TBX18: variants seen among roughly 807,000 people sequenced by gnomAD.
The protein encoded by TBX18 is T-box transcription factor 18.
TBX18 carries 21 observed loss-of-function variants against 55.0 expected under a neutral mutation model. The ratio of observed to expected loss-of-function variants is 0.38; its 90% CI spans 0.27 to 0.55. TBX18 has a LOEUF of 0.55. TBX18 is among the 20% of genes least tolerant of loss of function. TBX18 has a pLI of 0.73. For missense variants in TBX18, 840 were observed against 799.6 expected (o/e 1.05, Z -0.61); for synonymous variants, 342 against 326.1 (o/e 1.05, Z -0.53).
chr6:84,759,625 AAT>A (rs1218866802), intron 3 of TBX18, among the ~76,000 whole-genome samples: 1 of 152,096 alleles, frequency 6.6e-6, no homozygotes, highest in African/African-American at 2.4e-5. Context: ...TCTTTACATA[AAT>A]ATGTCCTCTT....
intron 2 of TBX18, among the ~76,000 whole-genome samples, chr6:84,762,264 C>T (rs569978358): frequency 2.6e-5 from 4 of 152,234 alleles, no homozygotes; most frequent in Non-Finnish European, 4.4e-5. Flanking sequence ...CCGCCCTGAA[C>T]GCAGAACATC....
chr6:84,755,711 C>T (rs1300556880), intron 4 of TBX18, among the ~76,000 whole-genome samples: 1 of 152,182 alleles, frequency 6.6e-6, no homozygotes, highest in African/African-American at 2.4e-5. Context: ...TTACTAGTTG[C>T]ATCTTAAAAA....
At chr6:84,757,017 T>G in intron 3 of TBX18, 148 bp from the exon 4 acceptor site, 6 of 784,612 alleles carry the variant, frequency 7.6e-6, no homozygotes, top group African/African-American at 1.7e-5. Context: ...TTCAAGCGCT[T>G]TTCCAAACCA....
At chr6:84,760,514 A>G (rs555289344) in intron 2 of TBX18, among the ~76,000 whole-genome samples, 158 bp from the exon 3 acceptor site, 2 of 152,320 alleles carry the variant, frequency 1.3e-5, no homozygotes, top group East Asian at 3.9e-4. Context: ...CAGGACATAG[A>G]ACATATCAGA....
chr6:84,747,085 C>T (rs909460188), intron 5 of TBX18, among the ~76,000 whole-genome samples: 3 of 151,518 alleles, frequency 2.0e-5, no homozygotes, highest in Admixed American at 6.6e-5. Flanking sequence ...ACAACAGAAA[C>T]CACAACAGAG....
Position 84,735,758 on chromosome 6 carries a change from ATAG to A in TBX18, c.*924_*926del, listed in dbSNP as rs1432673665. On this transcript the variant is annotated 3_prime_UTR_variant, in exon 8 of 8. Coordinates refer to ENST00000369663, the MANE Select transcript of TBX18 (RefSeq NM_001080508.3). ...AACAAACTATACAAAAACATAAGGT[ATAG>A]TTAACAATAGTATTACTCTTGATTT... 1 of 152,226 alleles carries A rather than the reference ATAG, an allele frequency of 6.6e-6. No homozygotes were observed. Among genetic ancestry groups the A allele is most frequent in the African/African-American group, 2.4e-5 (1 of 41,470 alleles). 9.4% of individuals were successfully genotyped at this position (152,226 alleles called of 1,614,324 possible).
intron 2 of TBX18, 128 bp from the exon 3 acceptor site, chr6:84,760,484 G>A: frequency 3.5e-6 from 2 of 569,216 alleles, no homozygotes; most frequent in South Asian, 5.7e-5. Flanking sequence ...TATTCACTTT[G>A]CCAATGTAAT....
In TBX18 at chr6:84,762,539, A is replaced by G; in HGVS notation, c.497+5T>C. 6.2e-7 allele frequency: 1 copy of G among 1,613,986 alleles called. No homozygotes were observed. Among genetic ancestry groups the G allele is most frequent in the South Asian group, 1.1e-5 (1 of 91,084 alleles). On this transcript the variant is annotated splice_donor_5th_base_variant and intron_variant, in intron 2 of 7. Transcript: ENST00000369663. ...GAGGGGCGTCCACGCCAGCTTGCCC[A>G]TTACCTGCCGGCCTTGGTGATGATC...
chr6:84,764,255 C>T lies in TBX18; in HGVS notation c.-74G>A, dbSNP rs1767756413. The stretch of plus-strand genomic sequence containing the variant: ...GGCACACGCGCGCTCTCGCTCTTCC[C>T]CCACCAAAAACTAAAAGGCTCTCGG... On this transcript the variant is annotated 5_prime_UTR_variant, in exon 1 of 8. Coordinates refer to ENST00000369663, the MANE Select transcript of TBX18 (RefSeq NM_001080508.3). 2 of 1,374,320 alleles carry T rather than the reference C, an allele frequency of 1.5e-6. No homozygotes were observed. Among genetic ancestry groups the T allele is most frequent in the Non-Finnish European group, 1.9e-6 (2 of 1,071,076 alleles). The allele number at this position is 1,374,320 out of a possible 1,614,324, so 85.1% of individuals were successfully genotyped here. A position where few individuals can be genotyped will look rare whatever the true frequency, so the allele number is the denominator to read the frequency against.
intron 4 of TBX18, among the ~76,000 whole-genome samples, chr6:84,752,150 C>T (rs1767366011): frequency 6.6e-6 from 1 of 151,682 alleles, no homozygotes; most frequent in Non-Finnish European, 1.5e-5. Context: ...CAGGCTAATA[C>T]ACATTTTTCT....
chr6:84,738,506 G>C lies in TBX18; in HGVS notation c.1090C>G (p.Pro364Ala). 1 of 1,613,890 alleles carries C rather than the reference G, an allele frequency of 6.2e-7. No individual in the cohort carries two copies. The highest frequency in any genetic ancestry group is 2.2e-5 in the East Asian group (1 of 44,876). Residue 364 changes from proline to alanine, a missense_variant, in exon 7 of 8, where the codon CCC becomes GCC. Coordinates refer to ENST00000369663, the MANE Select transcript of TBX18 (RefSeq NM_001080508.3). Reference sequence around the variant, plus strand: ...AGACTTTGTGAGTTACCTTGCTTGGGAATTCCAGGGATATCTTCAAAGGTC... The same window carrying C: ...AGACTTTGTGAGTTACCTTGCTTGGCAATTCCAGGGATATCTTCAAAGGTC... Reference protein sequence around the residue: ...TLTFEDIPGIPKQGNASSSTL... With the variant: ...TLTFEDIPGIAKQGNASSSTL...
At chr6:84,756,394 G>A (rs745962925) in intron 4 of TBX18, among the ~76,000 whole-genome samples, 26 of 152,184 alleles carry the variant, frequency 1.7e-4, no homozygotes, top group Non-Finnish European at 2.8e-4. Context: ...CATATTCACA[G>A]TATAATAATT....
In TBX18 at chr6:84,762,650, T is replaced by C. The variant is rs1767684440; in HGVS notation, c.391A>G (p.Thr131Ala). 1.2e-6 allele frequency: 2 copies of C among 1,609,104 alleles called. No homozygotes were observed. The highest frequency in any genetic ancestry group is 1.7e-6 in the Non-Finnish European group (2 of 1,178,346). ...SPARSLARPGTPLPSPQAPRV... is the reference protein window; with the variant it reads ...SPARSLARPGAPLPSPQAPRV... ...GGGGCCTGCGGCGAGGGCAGAGGGG[T>C]CCCGGGCCGGGCCAGGGAGCGCGCC... The change falls in exon 2 of 8, where the codon ACC becomes GCC. Residue 131 changes from threonine (T) to alanine (A), a missense_variant. By Grantham distance (58) the Thr-to-Ala change is moderately conservative (BLOSUM62 0). Coordinates refer to ENST00000369663, the MANE Select transcript of TBX18 (RefSeq NM_001080508.3).
chr6:84,760,093 G>T (rs574567190), intron 3 of TBX18, among the ~76,000 whole-genome samples, 162 bp downstream of exon 3: 37 of 152,298 alleles, frequency 2.4e-4, no homozygotes, highest in Middle Eastern at 6.8e-3. Context: ...CGCAAGAAAA[G>T]GCACCATCTG....
rs956387444 is a variant in TBX18 at position 84,764,354 on chromosome 6, T to C, written c.-173A>G. ...TGGCGTTTCCGCTTTCTCGCTTGTG[T>C]TGGGATCCAGGAACCGGCGACGCGC... is the stretch of plus-strand genomic sequence containing the variant. On this transcript the variant is annotated 5_prime_UTR_variant, in exon 1 of 8. Coordinates refer to ENST00000369663, the MANE Select transcript of TBX18 (RefSeq NM_001080508.3). 5.0e-6 allele frequency: 5 copies of C among 994,696 alleles called. No homozygotes were observed. The highest frequency in any genetic ancestry group is 6.4e-5 in the East Asian group (2 of 31,052). The allele number at this position is 994,696 out of a possible 1,614,324, so 61.6% of individuals were successfully genotyped here. A position where few individuals can be genotyped will look rare whatever the true frequency, so the allele number is the denominator to read the frequency against.
At chr6:84,752,160 T>C (rs1330943195) in intron 4 of TBX18, among the ~76,000 whole-genome samples, 1 of 151,494 alleles carries the variant, frequency 6.6e-6, no homozygotes, top group African/African-American at 2.4e-5. Context: ...CACATTTTTC[T>C]ACTTTAAGGA....
Position 84,744,345 on chromosome 6 carries a change from A to T in TBX18, c.940-20T>A, listed in dbSNP as rs377162875. On this transcript the variant is annotated intron_variant, in intron 5 of 7. Transcript: ENST00000369663. ...AGTAATCTGCAGAGTAGGAAAAAAA[A>T]ATATCAAATCTTATATAAATGTCAA... The T allele has an allele frequency of 3.3e-5, 53 of 1,603,862 alleles. No homozygotes were observed. Among genetic ancestry groups the T allele is most frequent in the African/African-American group, 2.6e-4 (19 of 74,424 alleles).
intron 4 of TBX18, among the ~76,000 whole-genome samples, chr6:84,751,010 C>A (rs1457676494): frequency 6.6e-6 from 1 of 152,034 alleles, no homozygotes; most frequent in Admixed American, 6.6e-5. Context: ...AGGTAAGAAA[C>A]AAAATGCCAC....
intron 3 of TBX18, among the ~76,000 whole-genome samples, chr6:84,759,594 A>G (rs1483876399): frequency 6.6e-6 from 1 of 152,070 alleles, no homozygotes; most frequent in Non-Finnish European, 1.5e-5. Flanking sequence ...AAGAACGTGT[A>G]TATTTTCAAA....
Sources: gnomAD v4.1 joint callset for allele counts (sites outside exome capture counted in the v4.1 genomes callset) on GRCh38, gnomAD v4.1.1 for gene constraint, MANE v1.5 for transcripts, NCBI Gene and HGNC (gene_info 2026-07-23, HGNC 2026-07-21) for gene names.